The following ERAP1 variants were observed in gnomAD, a reference collection of about 807,000 sequenced individuals.
The protein encoded by ERAP1 is endoplasmic reticulum aminopeptidase 1.
In ERAP1, 86 loss-of-function variants were observed where a neutral mutation model predicts 103.7. The ratio of observed to expected loss-of-function variants is 0.83; its 90% CI spans 0.70 to 0.99. The LOEUF is 0.99. ERAP1 is among the 50% of genes least tolerant of loss of function. The pLI is 0.00. For synonymous variants in ERAP1, 398 were observed against 402.4 expected (o/e 0.99, Z 0.13); for missense variants, 1,009 against 1,128.4 (o/e 0.89, Z 1.52).
chr5:96,911,034 T>C, the ERAP1 span, among the ~76,000 whole-genome samples: 2 of 152,354 alleles, frequency 1.3e-5, no homozygotes, highest in East Asian at 3.8e-4. Flanking sequence ...TATTATATTA[T>C]TCAAATGTCA....
intron 13 of ERAP1, 131 bp from the exon 14 acceptor site, chr5:96,784,211 A>G (rs1775662218): frequency 4.1e-6 from 4 of 985,130 alleles, no homozygotes; most frequent in Non-Finnish European, 6.2e-6. Flanking sequence ...ATAGATAACT[A>G]CGGCCGGGCG....
At chr5:96,847,999 GA>G in the ERAP1 span, among the ~76,000 whole-genome samples, 1 of 115,632 alleles carries the variant, frequency 8.6e-6, no homozygotes, top group African/African-American at 3.0e-5. Flanking sequence ...ATAGAGACTA[GA>G]AAAACAAAAA....
At chr5:96,842,689 G>T in the ERAP1 span, among the ~76,000 whole-genome samples, 1 of 151,968 alleles carries the variant, frequency 6.6e-6, no homozygotes, top group Admixed American at 6.6e-5. Flanking sequence ...TTCTTTTTCT[G>T]GTATATAGCA....
At chr5:96,924,467 G>A in the ERAP1 span, among the ~76,000 whole-genome samples, 52 of 152,206 alleles carry the variant, frequency 3.4e-4, no homozygotes, top group Admixed American at 2.0e-3. Context: ...CATTTTATGG[G>A]AGTGAACCTT....
At chr5:96,767,529 G>C in intron 19 of ERAP1, 1 of 1,454,512 alleles carries the variant, frequency 6.9e-7, no homozygotes, top group Non-Finnish European at 9.6e-7. Context: ...TTTTATTCTA[G>C]CCATAGGGGT....
At chr5:96,789,611 A>T (rs28337) in intron 10 of ERAP1, among the ~76,000 whole-genome samples, 108,935 of 152,036 alleles carry the variant, frequency 0.72, 39,583 homozygotes, top group Non-Finnish European at 0.79. Flanking sequence ...AAAAGAAACA[A>T]AAAATTCTGT....
chr5:96,902,590 A>C, the ERAP1 span: 4 of 389,780 alleles, frequency 1.0e-5, no homozygotes, highest in Non-Finnish European at 1.9e-5. Flanking sequence ...TACATCAAGA[A>C]ATAACAGAAA....
the ERAP1 span, chr5:96,895,396 T>G: frequency 7.7e-7 from 1 of 1,306,474 alleles, no homozygotes; most frequent in Admixed American, 1.8e-5. Context: ...CTATATGGTG[T>G]AAAGAATCAT....
chr5:96,795,778 T>C lies in ERAP1; in HGVS notation c.799-616A>G, dbSNP rs537614383. On this transcript the variant is annotated intron_variant, in intron 4 of 18. Transcript: ENST00000443439. ...AATTTCTCTCTGGAATAATCCACTT[T>C]AGACTCAGGCAACGTAAGCTCACAA... Among the ~76,000 whole-genome samples, 8 of 152,306 alleles carry C rather than the reference T, an allele frequency of 5.3e-5. No individual in the cohort carries two copies. In the East Asian group the frequency reaches 1.5e-3, roughly 29 times the overall value.
At chr5:96,880,000 C>T in the ERAP1 span, 1 of 1,614,026 alleles carries the variant, frequency 6.2e-7, no homozygotes, top group African/African-American at 1.3e-5. Flanking sequence ...GCAATGCTAC[C>T]CAGTTTATCA....
At chr5:96,878,295 A>C in the ERAP1 span, among the ~76,000 whole-genome samples, 1 of 152,214 alleles carries the variant, frequency 6.6e-6, no homozygotes, top group Non-Finnish European at 1.5e-5. Context: ...TATTGAAAAT[A>C]AACTGGGGAT....
the ERAP1 span, among the ~76,000 whole-genome samples, chr5:96,866,886 A>C: frequency 2.0e-5 from 3 of 152,212 alleles, no homozygotes; most frequent in African/African-American, 7.2e-5. Context: ...GGGATGTCCC[A>C]CAGGACCAAG....
At chr5:96,797,950 G>A (rs1777527642) in intron 3 of ERAP1, among the ~76,000 whole-genome samples, 1 of 152,168 alleles carries the variant, frequency 6.6e-6, no homozygotes, top group African/African-American at 2.4e-5. Flanking sequence ...GCAATGCAAT[G>A]TCGAGCTGTT....
At position 96,776,517 on chromosome 5, in the gene ERAP1, C is replaced by T. The variant is rs772252247; in HGVS notation, c.2705G>A (p.Gly902Asp). 6.2e-7 allele frequency: 1 copy of T among 1,614,084 alleles called. No individual in the cohort carries two copies. The highest frequency in any genetic ancestry group is 8.5e-7 in the Non-Finnish European group (1 of 1,180,024). ...CTGTTGGACACAACGGAGCTGAGAA[C>T]CATTTTCTTTCAAAGAGCTGAAGAA... is the stretch of plus-strand genomic sequence containing the variant. ...KGFFSSLKEN[G>D]SQLRCVQQTI... The change falls in exon 19 of 19, where the codon GGT becomes GAT. Residue 902 changes from glycine (G) to aspartate (D), a missense_variant. By Grantham distance (94) the Gly-to-Asp change is moderately conservative. Coordinates refer to ENST00000443439, the MANE Select transcript of ERAP1 (RefSeq NM_001040458.3).
Position 96,796,823 on chromosome 5 carries a change from T to A in ERAP1, c.798+352A>T, listed in dbSNP as rs545356217. On this transcript the variant is annotated intron_variant, in intron 4 of 18. Transcript: ENST00000443439. ...GTCTTTGTTTGTTTGTTTAGAGACA[T>A]GGTTTTGCTCTGTTGCCCAGGCTGG... Among the ~76,000 whole-genome samples, 29 of 152,268 alleles carry A rather than the reference T, an allele frequency of 1.9e-4. No individual in the cohort carries two copies. The South Asian group carries it at 6.0e-3, about 32-fold the overall frequency.
chr5:96,922,213 G>C, the ERAP1 span, among the ~76,000 whole-genome samples: 181 of 152,320 alleles, frequency 1.2e-3, no homozygotes, highest in African/African-American at 4.2e-3. Context: ...CAGGAGAATG[G>C]CACGAACCCG....
At chr5:96,806,433 GCTC>G (rs2151012045) in intron 1 of ERAP1, among the ~76,000 whole-genome samples, 1 of 152,268 alleles carries the variant, frequency 6.6e-6, no homozygotes, top group East Asian at 1.9e-4. Flanking sequence ...TATTTACTAA[GCTC>G]CTCCAAAGTG....
chr5:96,834,163 C>T, the ERAP1 span, among the ~76,000 whole-genome samples: 1 of 152,188 alleles, frequency 6.6e-6, no homozygotes, highest in Non-Finnish European at 1.5e-5. Context: ...TTAGTTAAAG[C>T]TTTCAGTAAA....
At chr5:96,763,039 G>T in exon 20 of ERAP1, 1 of 733,054 alleles carries the variant, frequency 1.4e-6, no homozygotes. Flanking sequence ...AAATTATAAA[G>T]GGATTGCCCT....
Sources: gnomAD v4.1 joint callset for allele counts (sites outside exome capture counted in the v4.1 genomes callset) on GRCh38, gnomAD v4.1.1 for gene constraint, MANE v1.5 for transcripts, NCBI Gene and HGNC (gene_info 2026-07-23, HGNC 2026-07-21) for gene names.